Variants in SYN2 observed in about 807,000 individuals in gnomAD.
SYN2 encodes the protein synapsin II.
A neutral mutation model predicts 50.9 loss-of-function variants in SYN2; 19 were observed. The observed-to-expected ratio is 0.37, with a 90% CI of 0.26 to 0.55. The LOEUF (loss-of-function observed/expected upper bound fraction) is 0.55, where lower values mean the gene tolerates loss of function less well. Ranked by LOEUF, SYN2 falls within the 20% of genes least tolerant of loss-of-function variation. The pLI, the probability that SYN2 is intolerant of heterozygous loss-of-function variation, is 0.81. For synonymous variants in SYN2, 255 were observed against 224.9 expected, an observed-to-expected ratio of 1.13 and a Z score of -1.20; for missense variants, 587 against 576.4, an observed-to-expected ratio of 1.02 and a Z score of -0.19.
At chr3:12,042,013 C>G (rs1342307113) in intron 1 of SYN2, among the ~76,000 whole-genome samples, 2 of 152,166 alleles carry the variant, frequency 1.3e-5, no homozygotes, top group South Asian at 4.1e-4. Context: ...TCTGCTCTGC[C>G]AACATATATA....
intron 1 of SYN2, among the ~76,000 whole-genome samples, chr3:12,102,035 TC>T (rs777109097): frequency 2.0e-5 from 3 of 152,076 alleles, no homozygotes; most frequent in Non-Finnish European, 4.4e-5. Flanking sequence ...AAATGAGAAA[TC>T]ATGTATGATT....
At chr3:12,139,208 T>C (rs1305778268) in intron 1 of SYN2, among the ~76,000 whole-genome samples, 2 of 152,146 alleles carry the variant, frequency 1.3e-5, no homozygotes, top group Non-Finnish European at 2.9e-5. Context: ...GAACGGGGTG[T>C]TCCAGAACCC....
At chr3:12,089,767 A>G (rs1695785713) in intron 1 of SYN2, among the ~76,000 whole-genome samples, 1 of 152,170 alleles carries the variant, frequency 6.6e-6, no homozygotes, top group African/African-American at 2.4e-5. Context: ...AGTCAAGGGA[A>G]GATAATTGGG....
chr3:12,078,696 G>C (rs528795996), intron 1 of SYN2, among the ~76,000 whole-genome samples: 1 of 152,198 alleles, frequency 6.6e-6, no homozygotes, highest in East Asian at 1.9e-4. Flanking sequence ...ATGCTGTTTT[G>C]GTTACTGTAG....
intron 1 of SYN2, among the ~76,000 whole-genome samples, chr3:12,090,564 G>A (rs1695804950): frequency 6.6e-6 from 1 of 152,174 alleles, no homozygotes; most frequent in African/African-American, 2.4e-5. Flanking sequence ...TATAAAATAA[G>A]ACAGTTGGAC....
intron 5 of SYN2, chr3:12,158,803 A>G (rs1697545990): frequency 1.9e-6 from 3 of 1,601,802 alleles, no homozygotes; most frequent in Non-Finnish European, 2.5e-6. Context: ...CCGCAGCAAC[A>G]GCACCCAGCT....
At chr3:12,140,823 G>A in intron 2 of SYN2, 115 bp downstream of exon 2, 1 of 704,426 alleles carries the variant, frequency 1.4e-6, no homozygotes, top group Non-Finnish European at 2.6e-6. Context: ...TTGGGTTCTG[G>A]ACTCTGCATC....
chr3:12,109,540 G>T (rs963408487), intron 1 of SYN2, among the ~76,000 whole-genome samples: 4 of 152,122 alleles, frequency 2.6e-5, no homozygotes, highest in Admixed American at 6.5e-5. Context: ...ATATAAAAAG[G>T]GAATATGTGA....
At chr3:12,188,113 A>C (rs938631499) in intron 12 of SYN2, among the ~76,000 whole-genome samples, 22 of 152,226 alleles carry the variant, frequency 1.4e-4, no homozygotes, top group Non-Finnish European at 7.3e-5. Context: ...AGAGGGAAGT[A>C]GTTAAATCCA....
At chr3:12,114,141 A>G (rs1441623898) in intron 1 of SYN2, among the ~76,000 whole-genome samples, 3 of 150,742 alleles carry the variant, frequency 2.0e-5, no homozygotes, top group East Asian at 3.9e-4. Flanking sequence ...TTGTAGCTAT[A>G]CTAGTGGTGT....
chr3:12,187,513 C>T lies in SYN2; in HGVS notation c.1514C>T (p.Thr505Ile), dbSNP rs1482711062. 1 of 1,553,362 alleles carries T rather than the reference C, an allele frequency of 6.4e-7. No individual in the cohort carries two copies. The highest frequency in any genetic ancestry group is 8.7e-7 in the Non-Finnish European group (1 of 1,147,700). Residue 505 changes from threonine (T) to isoleucine (I), a missense_variant, in exon 12 of 13, where the codon ACC becomes ATC. Coordinates refer to ENST00000621198, the MANE Select transcript of SYN2 (RefSeq NM_133625.6). ...GCTCCTCAGCGGCCGGGCGGCCCCA[C>T]CACCCACGGAGATGCACCCTCCAGC... ...SSAPQRPGGPTTHGDAPSSSS... is the reference protein window; with the variant it reads ...SSAPQRPGGPITHGDAPSSSS...
chr3:12,157,020 C>T (rs1697478688), intron 5 of SYN2: 1 of 969,072 alleles, frequency 1.0e-6, no homozygotes, highest in African/African-American at 1.6e-5. Flanking sequence ...ACTTCTCAGC[C>T]TAAAAATGTA....
chr3:12,041,459 C>A (rs1160301715), intron 1 of SYN2, among the ~76,000 whole-genome samples: 2 of 152,166 alleles, frequency 1.3e-5, no homozygotes, highest in African/African-American at 4.8e-5. Flanking sequence ...GAAGATTCTA[C>A]ACAATTGGGT....
chr3:12,054,002 G>A (rs1184184298), intron 1 of SYN2, among the ~76,000 whole-genome samples: 1 of 152,080 alleles, frequency 6.6e-6, no homozygotes, highest in Non-Finnish European at 1.5e-5. Flanking sequence ...TGCAATCCCA[G>A]GGCAGCAAGA....
At chr3:12,026,850 A>T (rs17035700) in intron 1 of SYN2, among the ~76,000 whole-genome samples, 7,251 of 152,100 alleles carry the variant, frequency 0.048, 562 homozygotes, top group African/African-American at 0.16. Context: ...GCTCCTCTCA[A>T]CTCAGGACCC....
chr3:12,021,787 G>A (rs1330910911), intron 1 of SYN2, among the ~76,000 whole-genome samples: 2 of 151,926 alleles, frequency 1.3e-5, no homozygotes, highest in Non-Finnish European at 2.9e-5. Context: ...ATTCTTGGCT[G>A]GGCGCGGTGG....
intron 1 of SYN2, among the ~76,000 whole-genome samples, chr3:12,128,237 G>A (rs748755202): frequency 5.3e-5 from 8 of 152,076 alleles, no homozygotes; most frequent in Non-Finnish European, 8.8e-5. Flanking sequence ...GAGCTACCAC[G>A]CCCAGCCAAT....
intron 1 of SYN2, among the ~76,000 whole-genome samples, chr3:12,077,937 A>G (rs1574927468): frequency 6.6e-6 from 1 of 152,216 alleles, no homozygotes; most frequent in African/African-American, 2.4e-5. Context: ...ATTCTCACCA[A>G]CAGTGTAAAA....
intron 11 of SYN2, 179 bp downstream of exon 11, chr3:12,183,551 C>G (rs1349289074): frequency 9.8e-6 from 15 of 1,527,426 alleles, no homozygotes; most frequent in Non-Finnish European, 1.3e-5. Flanking sequence ...TGCGTTCTTT[C>G]AATGCTGACT....
Sources: allele counts gnomAD v4.1 joint callset (sites outside exome capture counted in the v4.1 genomes callset), GRCh38; gene constraint gnomAD v4.1.1; transcripts MANE v1.5; gene names NCBI Gene and HGNC (gene_info 2026-07-23, HGNC 2026-07-21).